The following EXOC4 variants were observed in gnomAD, a reference collection of about 807,000 sequenced individuals.
EXOC4 encodes SEC8-like 1.
A neutral mutation model predicts 107.2 loss-of-function variants in EXOC4; 71 were observed. That is an observed-to-expected ratio of 0.66 (90% CI 0.55 to 0.81). The LOEUF (loss-of-function observed/expected upper bound fraction) is 0.81. Among genes scored for constraint, EXOC4 ranks in the 30% least tolerant of loss-of-function variants. The pLI is 0.00. For missense variants in EXOC4, 1,108 were observed against 1,189.6 expected (o/e 0.93, Z 1.01); for synonymous variants, 456 against 441.2 (o/e 1.03, Z -0.42).
At chr7:133,495,853 G>A (rs375158883) in intron 9 of EXOC4, among the ~76,000 whole-genome samples, 16 of 152,208 alleles carry the variant, frequency 1.1e-4, no homozygotes, top group African/African-American at 3.9e-4. Context: ...TCATAACATA[G>A]GCATGTGTTT....
the EXOC4 span, among the ~76,000 whole-genome samples, chr7:134,095,837 A>T: frequency 2.0e-5 from 3 of 152,124 alleles, no homozygotes; most frequent in African/African-American, 7.2e-5. Context: ...CATTAAAGTA[A>T]ATGTAAGACC....
intron 9 of EXOC4, among the ~76,000 whole-genome samples, chr7:133,559,759 G>A (rs1028628052): frequency 6.6e-6 from 1 of 151,764 alleles, no homozygotes; most frequent in African/African-American, 2.4e-5. Flanking sequence ...TCATATATCG[G>A]CTTCATTGTT....
intron 17 of EXOC4, among the ~76,000 whole-genome samples, chr7:134,029,914 G>A (rs1386394341): frequency 1.3e-5 from 2 of 152,112 alleles, no homozygotes; most frequent in Non-Finnish European, 2.9e-5. Flanking sequence ...TCTAAAATGA[G>A]AATAGCCATG....
chr7:133,611,028 T>C (rs1802065841), intron 9 of EXOC4, among the ~76,000 whole-genome samples: 1 of 148,896 alleles, frequency 6.7e-6, no homozygotes, highest in African/African-American at 2.5e-5. Context: ...TCACCTGAAC[T>C]CCCGGGCTCA....
chr7:133,499,747 A>G (rs767139996), intron 9 of EXOC4, among the ~76,000 whole-genome samples: 18 of 152,046 alleles, frequency 1.2e-4, no homozygotes, highest in Non-Finnish European at 1.5e-4. Context: ...CTCTTGTGAT[A>G]GGGTTCTCCT....
At chr7:133,568,892 A>G (rs943263274) in intron 9 of EXOC4, among the ~76,000 whole-genome samples, 3 of 152,154 alleles carry the variant, frequency 2.0e-5, no homozygotes, top group Non-Finnish European at 4.4e-5. Flanking sequence ...ATTTAGAAGA[A>G]CAGATACAGT....
chr7:133,810,587 CAT>C (rs1797198095), intron 10 of EXOC4, among the ~76,000 whole-genome samples: 1 of 83,204 alleles, frequency 1.2e-5, no homozygotes, highest in Non-Finnish European at 2.4e-5. Context: ...CGATAAGATC[CAT>C]GCTTTGCTTT....
At position 133,971,396 on chromosome 7, in the gene EXOC4, AGAGAG is replaced by A. The variant is rs1273017196; in HGVS notation, c.2207-26095_2207-26091del. ...GAGAGAGAGAGAGAGAGAGAGAGAG[AGAGAG>A]AAAGAGAGAGAGAATATGTATTCTA... is the stretch of plus-strand genomic sequence containing the variant. On this transcript the variant is annotated intron_variant, in intron 14 of 17. Coordinates refer to ENST00000253861, the MANE Select transcript of EXOC4 (RefSeq NM_021807.4). Among the ~76,000 whole-genome samples, 318 of 137,996 alleles carry A rather than the reference AGAGAG, an allele frequency of 2.3e-3. 6 individuals carry two copies. Among genetic ancestry groups the A allele is most frequent in the Admixed American group, 3.0e-3 (38 of 12,804 alleles). 90.5% of individuals were successfully genotyped at this position (137,996 alleles called of 152,430 possible).
rs370874520 is a variant in EXOC4, at chr7:133,731,084, A to C, written c.1515-86241A>C. On this transcript the variant is annotated intron_variant, in intron 10 of 17. Transcript: ENST00000253861. ...GCATATTTCACAGAGATTTTCAAAA[A>C]TATTAGATTTCACCCTAATTTATGT... is the stretch of plus-strand genomic sequence containing the variant. Among the ~76,000 whole-genome samples the C allele has an allele frequency of 1.6e-4, 25 of 152,346 alleles. No individual in the cohort carries two copies. The South Asian group carries it at 3.5e-3, about 21-fold the overall frequency.
At chr7:133,485,486 C>T (rs945174443) in intron 9 of EXOC4, among the ~76,000 whole-genome samples, 4 of 152,050 alleles carry the variant, frequency 2.6e-5, no homozygotes, top group Non-Finnish European at 4.4e-5. Context: ...GCACAGCTGA[C>T]CTCCATGTCT....
intron 5 of EXOC4, among the ~76,000 whole-genome samples, chr7:133,340,905 C>T (rs1227124406): frequency 1.3e-5 from 2 of 151,762 alleles, no homozygotes; most frequent in Non-Finnish European, 2.9e-5. Context: ...TTATTTGGAT[C>T]TCCTTCTTTT....
In EXOC4 at chr7:134,065,605, C is replaced by T. The variant is rs1796163847; in HGVS notation, c.*1077C>T. On this transcript the variant is annotated 3_prime_UTR_variant, in exon 18 of 18. Coordinates refer to ENST00000253861, the MANE Select transcript of EXOC4 (RefSeq NM_021807.4). ...CAGCAATGCACTGACTGGGCCACAT[C>T]TTGAAAACTCGTGGAAAGGGAAAGG... 6.6e-6 allele frequency: 1 copy of T among 152,294 alleles called. No individual in the cohort carries two copies. The highest frequency in any genetic ancestry group is 2.4e-5 in the African/African-American group (1 of 41,418). The allele number at this position is 152,294 out of a possible 1,614,324, so 9.4% of individuals were successfully genotyped here.
At chr7:133,309,269 A>C (rs1181541935) in intron 4 of EXOC4, among the ~76,000 whole-genome samples, 1 of 152,174 alleles carries the variant, frequency 6.6e-6, no homozygotes, top group Non-Finnish European at 1.5e-5. Context: ...GTTACACAGA[A>C]AGGAGCAAAA....
chr7:133,633,788 C>T (rs1181797900), intron 10 of EXOC4, among the ~76,000 whole-genome samples: 1 of 152,132 alleles, frequency 6.6e-6, no homozygotes, highest in Non-Finnish European at 1.5e-5. Flanking sequence ...CCTATTTAAA[C>T]ATTGTATCAT....
intron 9 of EXOC4, among the ~76,000 whole-genome samples, chr7:133,490,586 TA>T (rs1319120633): frequency 6.6e-6 from 1 of 152,188 alleles, no homozygotes; most frequent in Non-Finnish European, 1.5e-5. Flanking sequence ...ATGAATCGGA[TA>T]TTTTTCTACT....
chr7:133,421,996 T>G (rs1212581318), intron 7 of EXOC4, among the ~76,000 whole-genome samples: 1 of 152,172 alleles, frequency 6.6e-6, no homozygotes, highest in African/African-American at 2.4e-5. Flanking sequence ...AAGAAAGAAA[T>G]AAGAACTATG....
At chr7:133,884,109 G>A (rs1017111501) in intron 11 of EXOC4, among the ~76,000 whole-genome samples, 4 of 152,180 alleles carry the variant, frequency 2.6e-5, no homozygotes, top group Non-Finnish European at 4.4e-5. Context: ...GTGAAGCCCC[G>A]TTTTCACGAT....
chr7:134,097,041 T>C, the EXOC4 span, among the ~76,000 whole-genome samples: 11 of 152,010 alleles, frequency 7.2e-5, no homozygotes, highest in Non-Finnish European at 1.6e-4. Context: ...GGAATTATGA[T>C]ATATACACAT....
chr7:133,654,182 A>G (rs1241233746), intron 10 of EXOC4, among the ~76,000 whole-genome samples: 1 of 152,154 alleles, frequency 6.6e-6, no homozygotes, highest in Non-Finnish European at 1.5e-5. Flanking sequence ...GAAAGAATAT[A>G]CCTTAGTAGG....
Sources: gnomAD v4.1 joint callset for allele counts (sites outside exome capture counted in the v4.1 genomes callset) on GRCh38, gnomAD v4.1.1 for gene constraint, MANE v1.5 for transcripts, NCBI Gene and HGNC (gene_info 2026-07-23, HGNC 2026-07-21) for gene names.